Variants in VCL observed in about 807,000 individuals in gnomAD.
VCL encodes the protein epididymis luminal protein 114.
Under a neutral mutation model 125.7 loss-of-function variants are expected in VCL, and 47 were observed. The observed-to-expected ratio is 0.37, with a 90% confidence interval of 0.30 to 0.48. The LOEUF is 0.48. Ranked by LOEUF, VCL falls within the 20% of genes least tolerant of loss-of-function variation. The probability of loss-of-function intolerance (pLI) is 0.99; values close to 1 mark genes in which losing one functional copy is unlikely to be tolerated. For synonymous variants in VCL, 458 were observed against 514.6 expected (o/e 0.89, Z 1.49); for missense variants, 1,069 against 1,455.5 (o/e 0.73, Z 4.32).
intron 2 of VCL, among the ~76,000 whole-genome samples, chr10:74,069,008 G>A (rs1223850687): frequency 6.6e-6 from 1 of 151,442 alleles, no homozygotes; most frequent in African/African-American, 2.4e-5. Flanking sequence ...AACAGGTCTT[G>A]CCCTTCACTG....
intron 20 of VCL, 112 bp downstream of exon 20, chr10:74,114,499 G>T: frequency 7.5e-7 from 1 of 1,340,730 alleles, no homozygotes; most frequent in Non-Finnish European, 1.0e-6. Context: ...GAAAAACTAG[G>T]TAAGGGAGAA....
chr10:74,020,840 C>CAGAAA (rs1840648008), intron 1 of VCL, among the ~76,000 whole-genome samples: 1 of 66,738 alleles, frequency 1.5e-5, no homozygotes, highest in Non-Finnish European at 2.7e-5. Flanking sequence ...GACCTTGTCT[C>CAGAAA]AAAAAAAAAA....
chr10:74,095,547 C>A, intron 11 of VCL, 109 bp from the exon 12 acceptor site: 1 of 1,407,432 alleles, frequency 7.1e-7, no homozygotes, highest in Non-Finnish European at 9.9e-7. Flanking sequence ...TGTTGTTCCA[C>A]TGCACTCCAG....
At chr10:74,027,330 T>C (rs1470975490) in intron 1 of VCL, among the ~76,000 whole-genome samples, 8 of 151,526 alleles carry the variant, frequency 5.3e-5, no homozygotes. Context: ...TTTTTTTTTG[T>C]AATGACATGT....
intron 2 of VCL, among the ~76,000 whole-genome samples, chr10:74,058,890 GGTGT>G (rs148608729): frequency 1.5e-4 from 22 of 150,942 alleles, no homozygotes; most frequent in African/African-American, 5.1e-4. Context: ...TCACAGAAAG[GGTGT>G]GTGTGTGTGT....
At chr10:74,042,576 T>C (rs758730407) in intron 1 of VCL, among the ~76,000 whole-genome samples, 19 of 152,222 alleles carry the variant, frequency 1.2e-4, no homozygotes, top group Non-Finnish European at 1.5e-4. Flanking sequence ...AAATATCATA[T>C]TGTTTTAATT....
chr10:74,096,723 C>A (rs572228798), intron 12 of VCL, among the ~76,000 whole-genome samples: 1 of 152,266 alleles, frequency 6.6e-6, no homozygotes, highest in South Asian at 2.1e-4. Context: ...ATTGAAAGAA[C>A]CTGGATTAAA....
At position 74,009,335 on chromosome 10, in the gene VCL, T is replaced by C. The variant is rs558812206; in HGVS notation, c.168+10960T>C. ...GTGCAGTGGCGCCATCTCGGCTCAC[T>C]GCAAGCTCCACTTCCCGGGTTCACG... On this transcript the variant is annotated intron_variant, in intron 1 of 21. Coordinates refer to ENST00000211998, the MANE Select transcript of VCL (RefSeq NM_014000.3). Among the ~76,000 whole-genome samples the C allele has an allele frequency of 5.9e-3, 891 of 151,600 alleles. 11 individuals are homozygous for C. Among genetic ancestry groups the C allele is most frequent in the African/African-American group, 0.02 (816 of 41,322 alleles).
intron 21 of VCL, 31 bp from the exon 22 acceptor site, chr10:74,117,992 T>C (rs1176183776): frequency 6.2e-6 from 10 of 1,613,232 alleles, no homozygotes; most frequent in Non-Finnish European, 6.8e-6. Context: ...TCAGGGACCC[T>C]GGGTAACGGA....
At chr10:74,061,598 T>C (rs1564520813) in intron 2 of VCL, among the ~76,000 whole-genome samples, 1 of 152,214 alleles carries the variant, frequency 6.6e-6, no homozygotes, top group Non-Finnish European at 1.5e-5. Flanking sequence ...CTGGAAACAA[T>C]TTCTTTAAAT....
intron 1 of VCL, among the ~76,000 whole-genome samples, chr10:74,013,694 T>G (rs1840479747): frequency 6.6e-6 from 1 of 152,164 alleles, no homozygotes; most frequent in African/African-American, 2.4e-5. Flanking sequence ...TCCATTTCTC[T>G]TGATCCTCCT....
At position 74,071,357 on chromosome 10, in the gene VCL, C is replaced by T. The variant is rs979606653; in HGVS notation, c.499+274C>T. Among the ~76,000 whole-genome samples the T allele has an allele frequency of 6.6e-6, 1 of 152,320 alleles. No homozygotes were observed. Among genetic ancestry groups the T allele is most frequent in the Admixed American group, 6.5e-5 (1 of 15,294 alleles). On this transcript the variant is annotated intron_variant, in intron 4 of 21. Coordinates refer to ENST00000211998, the MANE Select transcript of VCL (RefSeq NM_014000.3). This position sits in a 1 kb window ranked among gnomAD's most constrained non-coding sequence, Gnocchi z 4.1. ...GAATGTAGGAAATACTTTTCTGTTACTGTAATGCTGAAGGCCATCCTGCAT... is the reference window on the plus strand; with the variant it reads ...GAATGTAGGAAATACTTTTCTGTTATTGTAATGCTGAAGGCCATCCTGCAT...
At chr10:74,002,436 C>G (rs894928148) in intron 1 of VCL, among the ~76,000 whole-genome samples, 3 of 151,936 alleles carry the variant, frequency 2.0e-5, no homozygotes, top group Non-Finnish European at 4.4e-5. Context: ...AATTGGAAAT[C>G]TTAAGTGGCA....
chr10:74,076,098 T>C (rs1429105905), intron 6 of VCL: 9 of 152,666 alleles, frequency 5.9e-5, no homozygotes. Flanking sequence ...TTATTCTTTT[T>C]CTCACGTTTA....
At chr10:74,111,182 T>TG (rs1265074137) in intron 18 of VCL, among the ~76,000 whole-genome samples, 4 of 152,164 alleles carry the variant, frequency 2.6e-5, no homozygotes, top group African/African-American at 9.7e-5. Flanking sequence ...GATGTGTGGG[T>TG]GTTCCCTGAG....
At chr10:74,086,110 G>T (rs541479316) in intron 8 of VCL, among the ~76,000 whole-genome samples, 30 of 152,218 alleles carry the variant, frequency 2.0e-4, no homozygotes, top group Middle Eastern at 6.8e-3. Flanking sequence ...CAGGTGATCC[G>T]CCTGCTGCGG....
At chr10:74,090,835 C>A (rs1297617802) in intron 10 of VCL, among the ~76,000 whole-genome samples, 1 of 151,506 alleles carries the variant, frequency 6.6e-6, no homozygotes, top group Non-Finnish European at 1.5e-5. Flanking sequence ...GGGTCTCACT[C>A]TACCACCCAC....
At chr10:74,009,494 C>T (rs546761930) in intron 1 of VCL, among the ~76,000 whole-genome samples, 43 of 152,054 alleles carry the variant, frequency 2.8e-4, no homozygotes, top group African/African-American at 1.0e-3. Context: ...CTGCTGACCT[C>T]GTGATCTGCC....
At chr10:74,093,317 A>G (rs979269298) in intron 10 of VCL, among the ~76,000 whole-genome samples, 5 of 152,150 alleles carry the variant, frequency 3.3e-5, no homozygotes, top group African/African-American at 1.2e-4. Flanking sequence ...AAACAAAAAA[A>G]AGTGTGGCGA....
Sources: allele counts gnomAD v4.1 joint callset (sites outside exome capture counted in the v4.1 genomes callset), GRCh38; gene constraint gnomAD v4.1.1; non-coding constraint Gnocchi (gnomAD v3.1); transcripts MANE v1.5; gene names NCBI Gene and HGNC (gene_info 2026-07-23, HGNC 2026-07-21).